ROR2: variants seen among roughly 807,000 people sequenced by gnomAD.
ROR2 encodes tyrosine-protein kinase transmembrane receptor ROR2.
Under a neutral mutation model 74.9 loss-of-function variants are expected in ROR2, and 33 were observed. That is an observed-to-expected ratio of 0.44 (90% CI 0.33 to 0.59). The LOEUF (loss-of-function observed/expected upper bound fraction) is 0.59. Among genes scored for constraint, ROR2 ranks in the 20% least tolerant of loss-of-function variants. ROR2 has a pLI of 0.02. For missense variants in ROR2, 1,216 were observed against 1,313.8 expected (o/e 0.93, Z 1.15); for synonymous variants, 586 against 558.7 (o/e 1.05, Z -0.69).
At chr9:91,913,602 C>A (rs546691493) in intron 1 of ROR2, among the ~76,000 whole-genome samples, 1 of 152,142 alleles carries the variant, frequency 6.6e-6, no homozygotes, top group Non-Finnish European at 1.5e-5. Context: ...ACCCAGGTAC[C>A]CATAGTTGGC....
intron 1 of ROR2, among the ~76,000 whole-genome samples, chr9:91,947,412 T>C (rs1832038753): frequency 6.6e-6 from 1 of 152,258 alleles, no homozygotes; most frequent in Non-Finnish European, 1.5e-5. Context: ...TGTAGCTCTG[T>C]GCTTGGTACA....
intron 1 of ROR2, among the ~76,000 whole-genome samples, chr9:91,780,606 C>A (rs570111619): frequency 6.6e-6 from 1 of 151,642 alleles, no homozygotes; most frequent in Non-Finnish European, 1.5e-5. Flanking sequence ...GCCTGGCCAA[C>A]GTGGTGAAAT....
At chr9:91,940,928 G>C (rs1831835106) in intron 1 of ROR2, among the ~76,000 whole-genome samples, 1 of 150,732 alleles carries the variant, frequency 6.6e-6, no homozygotes, top group African/African-American at 2.4e-5. Flanking sequence ...TTAACAGCAT[G>C]TGCTAAACTC....
At chr9:91,779,454 T>G (rs953208680) in intron 1 of ROR2, among the ~76,000 whole-genome samples, 14 of 148,966 alleles carry the variant, frequency 9.4e-5, no homozygotes. Flanking sequence ...CACTGCAACC[T>G]CTGCCTCCCG....
chr9:91,737,149 A>T (rs938419304), intron 5 of ROR2, among the ~76,000 whole-genome samples: 1 of 152,220 alleles, frequency 6.6e-6, no homozygotes, highest in Non-Finnish European at 1.5e-5. Flanking sequence ...AAAAGTGCAG[A>T]AGTATATTCC....
intron 7 of ROR2, 104 bp from the exon 8 acceptor site, chr9:91,726,847 C>T: frequency 6.7e-6 from 7 of 1,045,436 alleles, no homozygotes; most frequent in South Asian, 5.3e-5. Context: ...TTCACGTGCA[C>T]GTGTGTCATC....
chr9:91,828,939 T>G (rs1413614503), intron 1 of ROR2, among the ~76,000 whole-genome samples: 1 of 152,174 alleles, frequency 6.6e-6, no homozygotes, highest in Non-Finnish European at 1.5e-5. Flanking sequence ...TAATTAACAT[T>G]ATAAAAAGCT....
chr9:91,724,585 A>ATACACCTCT lies in ROR2; in HGVS notation c.1908_1909insAGAGGTGTA (p.Leu636_Phe637insArgGlyVal). On this transcript the variant is annotated inframe_insertion, in exon 9 of 9. Coordinates refer to ENST00000375708, the MANE Select transcript of ROR2 (RefSeq NM_004560.4). ...TAATCGGCGGCATACACCTCTCGGA[A>ATACACCTCT]GAGGCCCAAGTCTGAGATCTTCACG... The ATACACCTCT allele has an allele frequency of 6.2e-7, 1 of 1,614,220 alleles. No individual in the cohort carries two copies. The highest frequency in any genetic ancestry group is 8.5e-7 in the Non-Finnish European group (1 of 1,180,050).
At position 91,740,270 on chromosome 9, in the gene ROR2, T is replaced by C. The variant is rs375782649; in HGVS notation, c.495-2752A>G. On this transcript the variant is annotated intron_variant, in intron 4 of 8. Coordinates refer to ENST00000375708, the MANE Select transcript of ROR2 (RefSeq NM_004560.4). ...CAATCTGAATAGACAATATCCAGGC[T>C]GGGCGCGGTGGCTCAAACCTGTAAT... Among the ~76,000 whole-genome samples, 7 of 152,232 alleles carry C rather than the reference T, an allele frequency of 4.6e-5. No individual in the cohort carries two copies. In the South Asian group the frequency reaches 6.2e-4, roughly 14 times the overall value.
intron 1 of ROR2, among the ~76,000 whole-genome samples, chr9:91,813,952 G>A (rs1351070034): frequency 6.6e-6 from 1 of 152,236 alleles, no homozygotes; most frequent in African/African-American, 2.4e-5. Flanking sequence ...TGGTGGCACT[G>A]AAGTATAATC....
intron 1 of ROR2, among the ~76,000 whole-genome samples, chr9:91,785,494 C>T (rs1826767423): frequency 2.0e-5 from 3 of 152,194 alleles, no homozygotes; most frequent in Admixed American, 6.5e-5. Context: ...GTGGTCTGTC[C>T]CACCCCTGGA....
At chr9:91,949,232 G>A (rs1414112808) in intron 1 of ROR2, among the ~76,000 whole-genome samples, 1 of 151,830 alleles carries the variant, frequency 6.6e-6, no homozygotes, top group Non-Finnish European at 1.5e-5. Flanking sequence ...CCAGAGCGGT[G>A]GGGGAGAGGA....
chr9:91,941,766 G>A (rs138391904), intron 1 of ROR2, among the ~76,000 whole-genome samples: 4,439 of 47,886 alleles, frequency 0.093, 107 homozygotes, highest in Non-Finnish European at 0.12. Flanking sequence ...GCCCAGCCCC[G>A]CCCTGCCCTC....
At chr9:91,910,321 C>T (rs1830943571) in intron 1 of ROR2, among the ~76,000 whole-genome samples, 1 of 152,216 alleles carries the variant, frequency 6.6e-6, no homozygotes, top group African/African-American at 2.4e-5. Context: ...TATCAAACAA[C>T]TCCAAAATAT....
Position 91,825,623 on chromosome 9 carries a change from C to T in ROR2, c.98-49805G>A, listed in dbSNP as rs563118581. 3.3e-5 allele frequency among the ~76,000 whole-genome samples: 5 copies of T among 152,242 alleles called. No individual in the cohort carries two copies. In the South Asian group the frequency reaches 6.2e-4, roughly 19 times the overall value. On this transcript the variant is annotated intron_variant, in intron 1 of 8. Coordinates refer to ENST00000375708, the MANE Select transcript of ROR2 (RefSeq NM_004560.4). ...CGGGATGCCGGGAGAGAACAGGGGGCACACATCCAATGTTGTATTTCAACA... is the reference window on the plus strand; with the variant it reads ...CGGGATGCCGGGAGAGAACAGGGGGTACACATCCAATGTTGTATTTCAACA...
At chr9:91,738,683 T>A (rs1825118601) in intron 4 of ROR2, among the ~76,000 whole-genome samples, 1 of 152,302 alleles carries the variant, frequency 6.6e-6, no homozygotes, top group Non-Finnish European at 1.5e-5. Flanking sequence ...CTCAAAGAAC[T>A]CACAGAATGG....
chr9:91,915,986 T>G (rs928911635), intron 1 of ROR2, among the ~76,000 whole-genome samples: 1 of 152,222 alleles, frequency 6.6e-6, no homozygotes, highest in Non-Finnish European at 1.5e-5. Context: ...TGGCTTAGGC[T>G]CTGGCAGGAT....
intron 1 of ROR2, among the ~76,000 whole-genome samples, chr9:91,933,901 G>A (rs138002461): frequency 1.8e-3 from 270 of 152,294 alleles, no homozygotes; most frequent in Non-Finnish European, 2.9e-3. Context: ...TGGGGGTGAT[G>A]AAAATGAACT....
At chr9:91,858,475 G>A (rs1356587697) in intron 1 of ROR2, among the ~76,000 whole-genome samples, 1 of 152,162 alleles carries the variant, frequency 6.6e-6, no homozygotes, top group African/African-American at 2.4e-5. Context: ...GCCCAATGAG[G>A]AGCAGCGGCT....
Sources: allele counts gnomAD v4.1 joint callset (sites outside exome capture counted in the v4.1 genomes callset), GRCh38; gene constraint gnomAD v4.1.1; transcripts MANE v1.5; gene names NCBI Gene and HGNC (gene_info 2026-07-23, HGNC 2026-07-21).